COPRS: variants seen among roughly 807,000 people sequenced by gnomAD.
The protein encoded by COPRS is cooperator of PRMT5.
In COPRS, 11 loss-of-function variants were observed where a neutral mutation model predicts 19.9. The ratio of observed to expected loss-of-function variants is 0.55; its 90% CI spans 0.35 to 0.92. COPRS has a LOEUF of 0.92. Ranked by LOEUF, COPRS falls within the 40% of genes least tolerant of loss-of-function variation. The pLI is 0.01. For missense variants in COPRS, 225 were observed against 229.9 expected (o/e 0.98, Z 0.14); for synonymous variants, 81 against 82.7 (o/e 0.98, Z 0.11).
chr17:31,858,926 CG>C, intron 1 of COPRS, 174 bp downstream of exon 1: 1 of 1,457,142 alleles, frequency 6.9e-7, no homozygotes, highest in Non-Finnish European at 9.0e-7. Context: ...CGCGGCCCCG[CG>C]GCCTGGCCGT....
chr17:31,859,145 C>A lies in COPRS; in HGVS notation c.55G>T (p.Gly19Cys). Residue 19 changes from glycine to cysteine, a missense_variant, in exon 1 of 4, where the codon GGC becomes TGC. By Grantham distance (159) the Gly-to-Cys change is radical. Around this residue, in one of 3 missense-constraint regions of COPRS, gnomAD observed 51 missense variants for 39.2 expected, o/e 1.30. Coordinates refer to ENST00000302362, the MANE Select transcript of COPRS (RefSeq NM_018405.4). ...CCCCGCGCGCTAGGCAGCGGCGGGCCCCGAGACGGCTCCGCGGCCCCCTGC... is the reference window on the plus strand; with the variant it reads ...CCCCGCGCGCTAGGCAGCGGCGGGCACCGAGACGGCTCCGCGGCCCCCTGC... ...QAQGAAEPSRGPPLPSARGAP... is the reference protein window; with the variant it reads ...QAQGAAEPSRCPPLPSARGAP... The A allele has an allele frequency of 1.9e-6, 2 of 1,077,798 alleles. No homozygotes were observed. Among genetic ancestry groups the A allele is most frequent in the South Asian group, 4.3e-5 (1 of 23,018 alleles). 66.8% of individuals were successfully genotyped at this position (1,077,798 alleles called of 1,614,324 possible). A position where few individuals can be genotyped will look rare whatever the true frequency, so the allele number is the denominator to read the frequency against.
chr17:31,859,123 C>G lies in COPRS; in HGVS notation c.77G>C (p.Arg26Pro). 3 of 1,088,192 alleles carry G rather than the reference C, an allele frequency of 2.8e-6. No individual in the cohort carries two copies. The highest frequency in any genetic ancestry group is 3.3e-6 in the Non-Finnish European group (3 of 899,488). 67.4% of individuals were successfully genotyped at this position (1,088,192 alleles called of 1,614,324 possible). A position where few individuals can be genotyped will look rare whatever the true frequency, so the allele number is the denominator to read the frequency against. ...PSRGPPLPSARGAPPSPEAGF... is the reference protein window; with the variant it reads ...PSRGPPLPSAPGAPPSPEAGF... The stretch of plus-strand genomic sequence containing the variant: ...CACCTCCGGGCTGGGGGGCGCCCCC[C>G]GCGCGCTAGGCAGCGGCGGGCCCCG... Residue 26 changes from arginine (R) to proline (P), a missense_variant, in exon 1 of 4, where the codon CGG becomes CCG. Around this residue, in one of 3 missense-constraint regions of COPRS, gnomAD observed 51 missense variants for 39.2 expected, o/e 1.30. Transcript: ENST00000302362.
At chr17:31,855,830 T>C (rs958642796) in intron 2 of COPRS, among the ~76,000 whole-genome samples, 2 of 151,058 alleles carry the variant, frequency 1.3e-5, no homozygotes, top group African/African-American at 4.9e-5. Context: ...ACCCCATCTC[T>C]ACTAAAAATA....
chr17:31,858,360 T>C, intron 1 of COPRS: 1 of 985,406 alleles, frequency 1.0e-6, no homozygotes. Context: ...CGCTGCATTT[T>C]TCATATCTTA....
chr17:31,856,742 C>T (rs756171467), intron 2 of COPRS, 57 bp downstream of exon 2: 3 of 1,032,614 alleles, frequency 2.9e-6, no homozygotes, highest in Non-Finnish European at 4.6e-6. Context: ...GACAGAGGGA[C>T]TATTCCTCTC....
At chr17:31,853,322 G>A (rs945023599) in intron 2 of COPRS, among the ~76,000 whole-genome samples, 10 of 151,962 alleles carry the variant, frequency 6.6e-5, no homozygotes, top group African/African-American at 2.4e-4. Context: ...TGTCACTGAG[G>A]CAAAGGGCCT....
At chr17:31,854,091 G>A (rs1197495787) in intron 2 of COPRS, among the ~76,000 whole-genome samples, 1 of 152,194 alleles carries the variant, frequency 6.6e-6, no homozygotes, top group Non-Finnish European at 1.5e-5. Context: ...GGACTGGGCC[G>A]GGCACGGTAG....
At chr17:31,858,719 A>C in intron 1 of COPRS, 4 of 1,535,482 alleles carry the variant, frequency 2.6e-6, no homozygotes, top group Non-Finnish European at 3.5e-6. Flanking sequence ...AGAGGTCCAC[A>C]GGTCTGTAAA....
chr17:31,853,382 CTTTT>C (rs397764121), intron 2 of COPRS, among the ~76,000 whole-genome samples: 1 of 139,784 alleles, frequency 7.2e-6, no homozygotes, highest in Non-Finnish European at 1.6e-5. Flanking sequence ...AGTTTTTGCT[CTTTT>C]TTTTTTTTTT....
At chr17:31,857,772 C>A (rs569231022) in intron 1 of COPRS, among the ~76,000 whole-genome samples, 1 of 152,320 alleles carries the variant, frequency 6.6e-6, no homozygotes, top group South Asian at 2.1e-4. Flanking sequence ...TGTTCTGACC[C>A]TGCAGGGGAC....
chr17:31,859,164 C>T lies in COPRS; in HGVS notation c.36G>A (p.Gly12=). The change falls in exon 1 of 4, where the codon GGG becomes GGA. Residue 12 remains glycine, a synonymous_variant. Transcript: ENST00000302362. Reference sequence around the variant, plus strand: ...GCGGGCCCCGAGACGGCTCCGCGGCCCCCTGCGCCTGGGCCCCGGCGGCCT... The same window carrying T: ...GCGGGCCCCGAGACGGCTCCGCGGCTCCCTGCGCCTGGGCCCCGGCGGCCT... ...DLQAAGAQAQ[G]AAEPSRGPPL... 1 of 1,069,638 alleles carries T rather than the reference C, an allele frequency of 9.3e-7. No individual in the cohort carries two copies. Among genetic ancestry groups the T allele is most frequent in the Non-Finnish European group, 1.1e-6 (1 of 885,686 alleles). The allele number at this position is 1,069,638 out of a possible 1,614,324, so 66.3% of individuals were successfully genotyped here. A position where few individuals can be genotyped will look rare whatever the true frequency, so the allele number is the denominator to read the frequency against.
intron 1 of COPRS, 100 bp from the exon 2 acceptor site, chr17:31,856,965 T>C (rs1598086385): frequency 2.6e-6 from 2 of 768,702 alleles, no homozygotes; most frequent in Non-Finnish European, 2.3e-6. Context: ...CATACTCCCC[T>C]TGGTGATGCA....
intron 1 of COPRS, among the ~76,000 whole-genome samples, chr17:31,857,547 G>A (rs959378404): frequency 1.3e-5 from 2 of 152,022 alleles, no homozygotes; most frequent in African/African-American, 4.8e-5. Flanking sequence ...AAATCTTCCC[G>A]CACAGCCAAC....
rs1598084332 is a variant in COPRS at position 31,853,096 on chromosome 17, A to AT, written c.167-67dup. The AT allele has an allele frequency of 8.8e-6, 11 of 1,251,960 alleles. No individual in the cohort carries two copies. In the Admixed American group the frequency reaches 1.1e-4, roughly 12 times the overall value. 77.6% of individuals were successfully genotyped at this position (1,251,960 alleles called of 1,614,324 possible). On this transcript the variant is annotated intron_variant, in intron 2 of 3. Coordinates refer to ENST00000302362, the MANE Select transcript of COPRS (RefSeq NM_018405.4). ...AGAGGACCTGCTCTGTGCTCAGTAA[A>AT]TTTTGGGCAGACTTACTACGAAGGT...
intron 1 of COPRS, among the ~76,000 whole-genome samples, chr17:31,858,142 C>T (rs1909419103): frequency 6.6e-6 from 1 of 152,158 alleles, no homozygotes; most frequent in African/African-American, 2.4e-5. Context: ...GGCATTCGCA[C>T]GTCCCCTCTT....
chr17:31,858,676 G>C, intron 1 of COPRS: 1 of 1,385,086 alleles, frequency 7.2e-7, no homozygotes, highest in Non-Finnish European at 1.0e-6. Context: ...GACATCTGGG[G>C]CTCAGGGTTA....
intron 2 of COPRS, among the ~76,000 whole-genome samples, chr17:31,855,671 G>A (rs1344563216): frequency 1.4e-5 from 2 of 148,134 alleles, no homozygotes; most frequent in Non-Finnish European, 1.5e-5. Context: ...GGGTGACAGA[G>A]TGAGACTCCA....
In COPRS at chr17:31,859,229, A is replaced by C. The variant is rs934785858; in HGVS notation, c.-30T>G. ...TGCGGCCCGCGGCTGGTCGCCCTGGACGCCGTGGGCCACGTGACGCGCCGG... is the reference window on the plus strand; with the variant it reads ...TGCGGCCCGCGGCTGGTCGCCCTGGCCGCCGTGGGCCACGTGACGCGCCGG... On this transcript the variant is annotated 5_prime_UTR_variant, in exon 1 of 4. Coordinates refer to ENST00000302362, the MANE Select transcript of COPRS (RefSeq NM_018405.4). The C allele has an allele frequency of 1.0e-6, 1 of 955,446 alleles. No homozygotes were observed. Among genetic ancestry groups the C allele is most frequent in the South Asian group, 4.8e-5 (1 of 20,936 alleles). 59.2% of individuals were successfully genotyped at this position (955,446 alleles called of 1,614,324 possible).
chr17:31,852,900 C>T lies in COPRS; in HGVS notation c.297G>A (p.Gly99=). ...GCTGTTCCTTGGGTGGACAGTTTGTCCCTTCTGACAGCTCCCAGGTATTCA... is the reference window on the plus strand; with the variant it reads ...GCTGTTCCTTGGGTGGACAGTTTGTTCCTTCTGACAGCTCCCAGGTATTCA... ...GELNTWELSE[G]TNCPPKEQPG... Residue 99 remains glycine, a synonymous_variant, in exon 3 of 4, where the codon GGG becomes GGA. Coordinates refer to ENST00000302362, the MANE Select transcript of COPRS (RefSeq NM_018405.4). The T allele has an allele frequency of 6.2e-7, 1 of 1,614,160 alleles. No homozygotes were observed. Among genetic ancestry groups the T allele is most frequent in the Non-Finnish European group, 8.5e-7 (1 of 1,179,986 alleles).
Sources: gnomAD v4.1 joint callset for allele counts (sites outside exome capture counted in the v4.1 genomes callset) on GRCh38, gnomAD v4.1.1 for gene constraint, gnomAD v4.1.1 regional missense constraint, MANE v1.5 for transcripts, NCBI Gene and HGNC (gene_info 2026-07-23, HGNC 2026-07-21) for gene names.